REG1B: variants seen among roughly 807,000 people sequenced by gnomAD.
The protein encoded by REG1B is lithostathine-1-beta.
A neutral mutation model predicts 20.4 loss-of-function variants in REG1B; 21 were observed. The observed-to-expected ratio is 1.03, with a 90% CI of 0.73 to 1.48. The LOEUF is 1.48. Among genes scored for constraint, REG1B ranks in the 40% most tolerant of loss-of-function variants. The pLI, the probability that REG1B is intolerant of heterozygous loss-of-function variation, is 0.00. For missense variants in REG1B, 247 were observed against 197.2 expected (o/e 1.25, Z -1.51); for synonymous variants, 82 against 73.4 (o/e 1.12, Z -0.60).
Position 79,085,109 on chromosome 2 carries a change from C to A in REG1B, c.*107G>T, listed in dbSNP as rs1313873902. 3.9e-6 allele frequency: 3 copies of A among 777,522 alleles called. No homozygotes were observed. The highest frequency in any genetic ancestry group is 6.8e-6 in the Non-Finnish European group (3 of 441,138). 48.2% of individuals were successfully genotyped at this position (777,522 alleles called of 1,614,324 possible). The stretch of plus-strand genomic sequence containing the variant: ...GTACTGAAGATCAGCGATGCAAACT[C>A]ATTAGGGAGGAGATGGTCTGAACTG... On this transcript the variant is annotated 3_prime_UTR_variant, in exon 6 of 6. Transcript: ENST00000305089.
Position 79,086,728 on chromosome 2 carries a change from C to T in REG1B, c.183+84G>A, listed in dbSNP as rs144244545. The T allele has an allele frequency of 1.7e-4, 236 of 1,386,284 alleles. 4 individuals carry two copies. The highest frequency in any genetic ancestry group is 1.3e-3 in the South Asian group (112 of 86,318). 85.9% of individuals were successfully genotyped at this position (1,386,284 alleles called of 1,614,324 possible). A position where few individuals can be genotyped will look rare whatever the true frequency, so the allele number is the denominator to read the frequency against. ...AATAGGGAAGGGATCAATCTTATCT[C>T]ATTGCAGCCACAGAACACACTGCAA... On this transcript the variant is annotated intron_variant, in intron 3 of 5. Coordinates refer to ENST00000305089, the MANE Select transcript of REG1B (RefSeq NM_006507.4).
chr2:79,087,599 T>TTGG lies in REG1B; in HGVS notation c.11_13dup (p.Thr4dup), dbSNP rs1553439895. The TTGG allele has an allele frequency of 2.7e-5, 44 of 1,613,610 alleles. No individual in the cohort carries two copies. Among genetic ancestry groups the TTGG allele is most frequent in the Non-Finnish European group, 3.6e-5 (43 of 1,179,866 alleles). The stretch of plus-strand genomic sequence containing the variant: ...GGAGGAGATCAGCATGAAGAACGAG[T>TTGG]TGGTCTGAGCCATGCTTAGCGGCAG... On this transcript the variant is annotated inframe_insertion, in exon 2 of 6. Transcript: ENST00000305089.
chr2:79,085,237 A>G lies in REG1B; in HGVS notation c.480T>C (p.Phe160=). The change falls in exon 6 of 6, where the codon TTT becomes TTC. Residue 160 remains phenylalanine (F), a synonymous_variant. Transcript: ENST00000305089. ...KDESCEKKFS[F]VCKFKN ...TCCTCTAGTTTTTGAACTTGCAAAC[A>G]AAGGAGAACTTCTTCTCACAAGATT... The G allele has an allele frequency of 6.2e-7, 1 of 1,613,480 alleles. No individual in the cohort carries two copies. Among genetic ancestry groups the G allele is most frequent in the Non-Finnish European group, 8.5e-7 (1 of 1,179,440 alleles).
chr2:79,087,705 C>T lies in REG1B; in HGVS notation c.-46-47G>A. 9 of 1,215,716 alleles carry T rather than the reference C, an allele frequency of 7.4e-6. No individual in the cohort carries two copies. The South Asian group carries it at 1.3e-4, about 17-fold the overall frequency. 75.3% of individuals were successfully genotyped at this position (1,215,716 alleles called of 1,614,324 possible). On this transcript the variant is annotated intron_variant, in intron 1 of 5. Transcript: ENST00000305089. ...AGGGTTTGAAGAAGAGAGCAGAGCACCTGTTATCTTTCTAACATCCTCTCC... is the reference window on the plus strand; with the variant it reads ...AGGGTTTGAAGAAGAGAGCAGAGCATCTGTTATCTTTCTAACATCCTCTCC...
intron 4 of REG1B, chr2:79,085,912 C>T: frequency 3.7e-6 from 1 of 270,788 alleles, no homozygotes; most frequent in Non-Finnish European, 7.0e-6. Context: ...TCCAGCATAA[C>T]ATTGGCTGTA....
intron 3 of REG1B, 65 bp downstream of exon 3, chr2:79,086,747 A>G: frequency 6.8e-7 from 1 of 1,468,736 alleles, no homozygotes; most frequent in African/African-American, 1.4e-5. Context: ...CACAGAACAC[A>G]CTGCAAATTA....
rs1672380826 is a variant in REG1B at position 79,085,292 on chromosome 2, C to T, written c.434-9G>A. ...CTTCCATTTCTTGAATCCTATGGTA[C>T]AATGAGAAGTGTCAGACATAGAGGA... is the stretch of plus-strand genomic sequence containing the variant. On this transcript the variant is annotated splice_polypyrimidine_tract_variant and intron_variant, in intron 5 of 5. Transcript: ENST00000305089. 5.6e-6 allele frequency: 9 copies of T among 1,598,856 alleles called. No individual in the cohort carries two copies. Among genetic ancestry groups the T allele is most frequent in the Non-Finnish European group, 6.9e-6 (8 of 1,166,254 alleles).
chr2:79,086,863 G>A lies in REG1B; in HGVS notation c.132C>T (p.Arg44=). 6.2e-7 allele frequency: 1 copy of A among 1,614,044 alleles called. No individual in the cohort carries two copies. The highest frequency in any genetic ancestry group is 8.5e-7 in the Non-Finnish European group (1 of 1,179,970). ...CTTCATTAAAGTAGTAGCAGTAGGA[G>A]CGATAGGCATTGGTGCCTTCTGGGC... ...ISCPEGTNAY[R]SYCYYFNEDP... is the part of the protein sequence containing the mutation. Residue 44 remains arginine (R), a synonymous_variant, in exon 3 of 6, where the codon CGC becomes CGT. Coordinates refer to ENST00000305089, the MANE Select transcript of REG1B (RefSeq NM_006507.4).
chr2:79,086,694 C>A, intron 3 of REG1B, 118 bp downstream of exon 3: 6 of 1,305,754 alleles, frequency 4.6e-6, no homozygotes, highest in Non-Finnish European at 6.7e-6. Flanking sequence ...AGTTTGGGAC[C>A]AGTGGTGGAA....
intron 4 of REG1B, chr2:79,086,097 G>A (rs1262128788): frequency 4.6e-6 from 2 of 437,584 alleles, no homozygotes; most frequent in East Asian, 4.5e-5. Context: ...AGCAAAATAG[G>A]GAAAAAGTTG....
At position 79,087,154 on chromosome 2, in the gene REG1B, G is replaced by A. The variant is rs141256873; in HGVS notation, c.65-224C>T. The A allele has an allele frequency of 8.3e-3, 4,596 of 556,294 alleles. 141 individuals carry two copies. The highest frequency in any genetic ancestry group is 0.063 in the Admixed American group (2,032 of 32,344). 34.5% of individuals were successfully genotyped at this position (556,294 alleles called of 1,614,324 possible). A position where few individuals can be genotyped will look rare whatever the true frequency, so the allele number is the denominator to read the frequency against. Reference sequence around the variant, plus strand: ...GAATAGGCTAAATAAATGAGTCCTCGTTTTCCTTTAATTCTGAGGCTGAGG... The same window carrying A: ...GAATAGGCTAAATAAATGAGTCCTCATTTTCCTTTAATTCTGAGGCTGAGG... On this transcript the variant is annotated intron_variant, in intron 2 of 5. Transcript: ENST00000305089.
At chr2:79,087,319 G>T in intron 2 of REG1B, 1 of 571,176 alleles carries the variant, frequency 1.8e-6, no homozygotes, top group Non-Finnish European at 3.1e-6. Context: ...GATTCAATCA[G>T]ATAAACTCAA....
rs79463000 is a variant in REG1B at position 79,087,538 on chromosome 2, G to T, written c.64+11C>A. 4.9e-3 allele frequency: 7,933 copies of T among 1,613,426 alleles called. 354 individuals are homozygous for T. In the African/African-American group the frequency reaches 0.091, roughly 19 times the overall value. On this transcript the variant is annotated intron_variant, in intron 2 of 5. Coordinates refer to ENST00000305089, the MANE Select transcript of REG1B (RefSeq NM_006507.4). ...AGTTGGGGTTGTGGGAAGTGTGGGG[G>T]AAAATCTCACCTTGGCTCAGAGACA...
chr2:79,086,035 A>G (rs1308635509), intron 4 of REG1B: 5 of 321,902 alleles, frequency 1.6e-5, no homozygotes, highest in African/African-American at 4.3e-5. Flanking sequence ...ATTCTCCTCC[A>G]CTACTCATTT....
chr2:79,087,781 G>C, intron 1 of REG1B, 123 bp from the exon 2 acceptor site: 1 of 564,182 alleles, frequency 1.8e-6, no homozygotes, highest in South Asian at 3.4e-5. Context: ...TACACTCCCA[G>C]ATATTTCTCT....
chr2:79,086,772 CT>C, intron 3 of REG1B, 39 bp downstream of exon 3: 2 of 1,578,674 alleles, frequency 1.3e-6, no homozygotes, highest in Non-Finnish European at 1.7e-6. Flanking sequence ...CTGCCTCTAC[CT>C]TCATAAGCCT....
At chr2:79,085,319 CAGA>C (rs751912489) in intron 5 of REG1B, 36 bp from the exon 6 acceptor site, 36 of 1,521,798 alleles carry the variant, frequency 2.4e-5, no homozygotes, top group Non-Finnish European at 3.1e-5. Flanking sequence ...CATAGAGGAT[CAGA>C]AGGAGTGTAG....
intron 3 of REG1B, 34 bp downstream of exon 3, chr2:79,086,778 A>T (rs751783770): frequency 6.3e-7 from 1 of 1,588,294 alleles, no homozygotes. Context: ...CTACCTTCAT[A>T]AGCCTCCCTT....
At chr2:79,086,126 T>G (rs1294390089) in intron 4 of REG1B, 2 of 498,714 alleles carry the variant, frequency 4.0e-6, no homozygotes, top group African/African-American at 1.9e-5. Flanking sequence ...GATGCATTTC[T>G]AGAAGTAGAC....
Sources: gnomAD v4.1 joint callset for allele counts on GRCh38, gnomAD v4.1.1 for gene constraint, MANE v1.5 for transcripts, NCBI Gene and HGNC (gene_info 2026-07-23, HGNC 2026-07-21) for gene names.